Variants in VIRMA observed in about 807,000 individuals in gnomAD.
The protein encoded by VIRMA is protein virilizer homolog.
A neutral mutation model predicts 182.4 loss-of-function variants in VIRMA; 65 were observed. The ratio of observed to expected loss-of-function variants is 0.36; its 90% CI spans 0.29 to 0.44. The LOEUF is 0.44. Among genes scored for constraint, VIRMA ranks in the 20% least tolerant of loss-of-function variants. The pLI, the probability that VIRMA is intolerant of heterozygous loss-of-function variation, is 1.00. For synonymous variants in VIRMA, 709 were observed against 743.1 expected (o/e 0.95, Z 0.75); for missense variants, 1,752 against 2,158.1 (o/e 0.81, Z 3.73).
rs535222302 is a variant in VIRMA at position 94,511,356 on chromosome 8, T to C, written c.3219A>G (p.Gln1073=). The part of the protein sequence containing the change: ...DIIDILLTFT[Q]GVNEKLTISE... ...AGATTGTGAGTTTTTCATTAACTCC[T>C]TGTGTAAAAGTCAGTAAAATATCAA... The change falls in exon 13 of 24, where the codon CAA becomes CAG. Residue 1073 remains glutamine (Q), a synonymous_variant. Transcript: ENST00000297591. 1.9e-6 allele frequency: 3 copies of C among 1,613,904 alleles called. No individual in the cohort carries two copies. Among genetic ancestry groups the C allele is most frequent in the East Asian group, 2.2e-5 (1 of 44,872 alleles).
At chr8:94,543,357 C>T (rs553039884) in intron 2 of VIRMA, among the ~76,000 whole-genome samples, 44 of 138,480 alleles carry the variant, frequency 3.2e-4, no homozygotes, top group Admixed American at 2.7e-3. Context: ...GCCAAGATTG[C>T]GCCATTGCAT....
chr8:94,519,517 G>C, intron 8 of VIRMA, 41 bp from the exon 9 acceptor site: 1 of 1,505,362 alleles, frequency 6.6e-7, no homozygotes, highest in Non-Finnish European at 8.9e-7. Flanking sequence ...TCAGTGCAAA[G>C]CATTCTTCAT....
At chr8:94,534,643 C>T (rs1237217977) in intron 5 of VIRMA, among the ~76,000 whole-genome samples, 196 bp downstream of exon 5, 2 of 151,402 alleles carry the variant, frequency 1.3e-5, no homozygotes, top group Admixed American at 6.6e-5. Flanking sequence ...CTATCTCCCC[C>T]TCTTCCTCCT....
rs1453991366 is a variant in VIRMA at position 94,526,907 on chromosome 8, C to T, written c.1337G>A (p.Arg446His). The T allele has an allele frequency of 8.7e-6, 14 of 1,614,142 alleles. No homozygotes were observed. The highest frequency in any genetic ancestry group is 1.6e-4 in the Middle Eastern group (1 of 6,062). ...TCGAACATTTAAGGCGATAGGTTGGCGAAGCGCTACTTGTAAATTTAAAGC... is the reference window on the plus strand; with the variant it reads ...TCGAACATTTAAGGCGATAGGTTGGTGAAGCGCTACTTGTAAATTTAAAGC... ...MQALNLQVAL[R>H]QPIALNVRQL... Residue 446 changes from arginine to histidine, a missense_variant, in exon 8 of 24, where the codon CGC becomes CAC. Transcript: ENST00000297591.
At chr8:94,510,918 G>C (rs1420910074) in intron 13 of VIRMA, 2 of 1,206,822 alleles carry the variant, frequency 1.7e-6, no homozygotes, top group Admixed American at 6.6e-5. Context: ...AGGTGTGGGG[G>C]AAAGGATTTA....
At chr8:94,543,090 T>C (rs1378456693) in intron 2 of VIRMA, among the ~76,000 whole-genome samples, 4 of 151,982 alleles carry the variant, frequency 2.6e-5, no homozygotes, top group Non-Finnish European at 5.9e-5. Context: ...GTATTTTTAG[T>C]AGAGACGGGG....
At chr8:94,548,784 T>C (rs528496472) in intron 1 of VIRMA, among the ~76,000 whole-genome samples, 1 of 152,194 alleles carries the variant, frequency 6.6e-6, no homozygotes, top group Non-Finnish European at 1.5e-5. Context: ...GCCTCCTGAG[T>C]AGCTGGGACT....
intron 23 of VIRMA, 128 bp from the exon 24 acceptor site, chr8:94,488,988 C>A (rs1019355658): frequency 2.1e-6 from 2 of 964,062 alleles, no homozygotes; most frequent in Admixed American, 5.8e-5. Flanking sequence ...CGTGCAAGCA[C>A]GGTGAATGGG....
At chr8:94,505,665 T>C (rs113413937) in intron 16 of VIRMA, among the ~76,000 whole-genome samples, 278 of 152,112 alleles carry the variant, frequency 1.8e-3, no homozygotes, top group African/African-American at 6.4e-3. Flanking sequence ...AAATTTTTTT[T>C]ATAGAGATAA....
At chr8:94,513,446 G>T (rs1428915771) in intron 11 of VIRMA, among the ~76,000 whole-genome samples, 5 of 132,040 alleles carry the variant, frequency 3.8e-5, no homozygotes, top group Admixed American at 7.6e-5. Flanking sequence ...AAAAAAAAAA[G>T]TTACTACCTC....
intron 17 of VIRMA, chr8:94,498,470 T>C (rs1813864039): frequency 6.6e-6 from 1 of 152,162 alleles, no homozygotes; most frequent in Non-Finnish European, 1.5e-5. Flanking sequence ...GGTAACTCAA[T>C]GTCATAAATT....
chr8:94,514,691 T>C (rs1486636663), intron 11 of VIRMA, among the ~76,000 whole-genome samples, 178 bp downstream of exon 11: 2 of 152,240 alleles, frequency 1.3e-5, no homozygotes, highest in African/African-American at 4.8e-5. Context: ...TGTTCACATA[T>C]GCATATAATC....
At chr8:94,521,457 T>G (rs1310243816) in intron 8 of VIRMA, among the ~76,000 whole-genome samples, 1 of 152,192 alleles carries the variant, frequency 6.6e-6, no homozygotes, top group African/African-American at 2.4e-5. Context: ...TCGTATTTTT[T>G]CAAATACTCA....
chr8:94,539,026 C>A (rs1815446500), intron 2 of VIRMA, among the ~76,000 whole-genome samples: 1 of 151,898 alleles, frequency 6.6e-6, no homozygotes, highest in African/African-American at 2.4e-5. Context: ...TACAGCCTCC[C>A]AAGTAGCTGG....
At chr8:94,535,157 C>A (rs1815296800) in intron 4 of VIRMA, 150 bp from the exon 5 acceptor site, 1 of 1,215,964 alleles carries the variant, frequency 8.2e-7, no homozygotes, top group Non-Finnish European at 1.1e-6. Flanking sequence ...TTTACCTAGG[C>A]ACAGCTTTTA....
intron 4 of VIRMA, among the ~76,000 whole-genome samples, chr8:94,535,781 CAAAA>C (rs56126709): frequency 1.1e-5 from 1 of 87,796 alleles, no homozygotes; most frequent in South Asian, 3.5e-4. Context: ...GACTTGGTCT[CAAAA>C]AAAAAAAAAA....
intron 21 of VIRMA, among the ~76,000 whole-genome samples, chr8:94,492,408 C>G (rs1370719724): frequency 6.6e-6 from 1 of 151,688 alleles, no homozygotes; most frequent in South Asian, 2.1e-4. Flanking sequence ...CTCAGCCTCC[C>G]GAGTAGCTGG....
chr8:94,501,028 G>A (rs1446605718), intron 16 of VIRMA, among the ~76,000 whole-genome samples: 2 of 151,778 alleles, frequency 1.3e-5, no homozygotes, highest in African/African-American at 2.4e-5. Flanking sequence ...GGTGGATCAC[G>A]AAGTCAGGAG....
chr8:94,503,570 T>C (rs900571956), intron 16 of VIRMA, among the ~76,000 whole-genome samples: 4 of 152,284 alleles, frequency 2.6e-5, no homozygotes, highest in African/African-American at 9.6e-5. Flanking sequence ...CAATGTAAGA[T>C]CTTACATTGG....
Sources: allele counts gnomAD v4.1 joint callset (sites outside exome capture counted in the v4.1 genomes callset), GRCh38; gene constraint gnomAD v4.1.1; transcripts MANE v1.5; gene names NCBI Gene and HGNC (gene_info 2026-07-23, HGNC 2026-07-21).